Variants in BET1 observed in about 807,000 individuals in gnomAD.
The protein encoded by BET1 is BET1 homolog.
Under a neutral mutation model 13.9 loss-of-function variants are expected in BET1, and 9 were observed. That is an observed-to-expected ratio of 0.65 (90% CI 0.39 to 1.13). The LOEUF (loss-of-function observed/expected upper bound fraction) is 1.13, where lower values mean the gene tolerates loss of function less well. BET1 is among the 50% of genes most tolerant of loss of function. BET1 has a pLI of 0.01. For synonymous variants in BET1, 39 were observed against 47.3 expected (o/e 0.82, Z 0.72); for missense variants, 127 against 133.6 (o/e 0.95, Z 0.24).
chr7:94,000,906 G>T (rs1409949254), intron 1 of BET1, among the ~76,000 whole-genome samples: 7 of 152,248 alleles, frequency 4.6e-5, no homozygotes. Flanking sequence ...GGAAGCTGAG[G>T]GAGGCAGGAT....
chr7:93,972,341 T>C (rs1795270437), intron 6 of BET1: 1 of 151,928 alleles, frequency 6.6e-6, no homozygotes, highest in South Asian at 2.1e-4. Flanking sequence ...TATTTTCTTA[T>C]TCAATTAACA....
At position 93,993,719 on chromosome 7, in the gene BET1, G is replaced by T; in HGVS notation, c.*511C>A. 7.3e-7 allele frequency: 1 copy of T among 1,365,914 alleles called. No homozygotes were observed. Among genetic ancestry groups the T allele is most frequent in the South Asian group, 2.0e-5 (1 of 49,754 alleles). 84.6% of individuals were successfully genotyped at this position (1,365,914 alleles called of 1,614,324 possible). A position where few individuals can be genotyped will look rare whatever the true frequency, so the allele number is the denominator to read the frequency against. ...ATCAAAAATTATTAGGAAGATTGTA[G>T]GTAAAAAGAAATCAGCCTACAATTT... On this transcript the variant is annotated 3_prime_UTR_variant, in exon 4 of 4. Transcript: ENST00000222547.
intron 2 of BET1, 141 bp from the exon 3 acceptor site, chr7:93,996,462 T>C: frequency 1.8e-6 from 1 of 550,716 alleles, no homozygotes; most frequent in East Asian, 3.2e-5. Context: ...TTTCTGATAC[T>C]TTTTCTACCA....
intron 4 of BET1, among the ~76,000 whole-genome samples, chr7:93,981,010 C>T (rs990938175): frequency 1.3e-5 from 2 of 152,122 alleles, no homozygotes; most frequent in African/African-American, 4.8e-5. Flanking sequence ...TTTTTTGTCT[C>T]TGGGCTTTAT....
At chr7:94,001,746 T>G (rs1296399220) in intron 1 of BET1, among the ~76,000 whole-genome samples, 2 of 152,224 alleles carry the variant, frequency 1.3e-5, no homozygotes, top group Non-Finnish European at 1.5e-5. Flanking sequence ...AAGAATGTCT[T>G]CTTATTTTGT....
At chr7:93,992,223 A>C, downstream of BET1, 5 of 985,394 alleles carry the variant, frequency 5.1e-6, no homozygotes, top group Non-Finnish European at 4.8e-6. Context: ...ATGTTGAACC[A>C]TGCAGTGATG....
At position 93,993,968 on chromosome 7, in the gene BET1, C is replaced by T. The variant is rs147576087; in HGVS notation, c.*262G>A. On this transcript the variant is annotated 3_prime_UTR_variant, in exon 4 of 4. Transcript: ENST00000222547. ...GCTATTTAATCTGACAGTTGGCAAA[C>T]AATAGAAAAACAAACTGGAAATTAG... 1.8e-5 allele frequency: 28 copies of T among 1,531,940 alleles called. No individual in the cohort carries two copies. In the East Asian group the frequency reaches 6.1e-4, roughly 34 times the overall value. The allele number at this position is 1,531,940 out of a possible 1,614,324, so 94.9% of individuals were successfully genotyped here.
At position 93,999,251 on chromosome 7, in the gene BET1, A is replaced by C. The variant is rs372976829; in HGVS notation, c.63T>G (p.Ala21=). 2.4e-5 allele frequency: 39 copies of C among 1,613,112 alleles called. No individual in the cohort carries two copies. The highest frequency in any genetic ancestry group is 2.5e-6 in the Non-Finnish European group (3 of 1,179,478). The change falls in exon 2 of 4, where the codon GCT becomes GCG. Residue 21 remains alanine (A), a synonymous_variant. Coordinates refer to ENST00000222547, the MANE Select transcript of BET1 (RefSeq NM_005868.6). ...CTTCACAGGCACTATACCCACTATT[A>C]GCATAGCCATAGTTCCCATAGTTGC... is the stretch of plus-strand genomic sequence containing the variant. The part of the protein sequence containing the change: ...PPGNYGNYGY[A]NSGYSACEEE...
chr7:93,976,260 A>G (rs1479999090), intron 4 of BET1, among the ~76,000 whole-genome samples: 7 of 152,104 alleles, frequency 4.6e-5, no homozygotes, highest in African/African-American at 1.7e-4. Context: ...AAGCTTTCTA[A>G]GTCATTATTT....
At chr7:94,003,524 G>A (rs1233728545) in intron 1 of BET1, among the ~76,000 whole-genome samples, 6 of 151,916 alleles carry the variant, frequency 3.9e-5, no homozygotes, top group African/African-American at 1.5e-4. Context: ...GTAGCTGTGC[G>A]TTACTATAAG....
At position 93,994,040 on chromosome 7, in the gene BET1, G is replaced by C; in HGVS notation, c.*190C>G. On this transcript the variant is annotated 3_prime_UTR_variant, in exon 4 of 4. Transcript: ENST00000222547. ...CCCCTGAAAATAGGGGCTAAAATGA[G>C]TCATTAAGAAACAGTATTCAAAGAC... The C allele has an allele frequency of 2.0e-6, 3 of 1,471,520 alleles. No individual in the cohort carries two copies. The highest frequency in any genetic ancestry group is 2.7e-6 in the Non-Finnish European group (3 of 1,119,842). 91.2% of individuals were successfully genotyped at this position (1,471,520 alleles called of 1,614,324 possible).
chr7:94,002,472 AAAGAAAG>A (rs1795930379), intron 1 of BET1, among the ~76,000 whole-genome samples: 1 of 143,054 alleles, frequency 7.0e-6, no homozygotes, highest in African/African-American at 3.0e-5. Flanking sequence ...AAAAAAAAAA[AAAGAAAG>A]AAAAAAAAAG....
At chr7:93,968,136 T>A (rs193228243) in intron 6 of BET1, among the ~76,000 whole-genome samples, 35 of 151,954 alleles carry the variant, frequency 2.3e-4, no homozygotes, top group Admixed American at 2.0e-3. Context: ...ACTCTCTTGA[T>A]GATTTATGCA....
rs1325193435 is a variant in BET1, at chr7:93,994,400, G to C, written c.202-15C>G. 2 of 1,605,534 alleles carry C rather than the reference G, an allele frequency of 1.2e-6. No individual in the cohort carries two copies. The highest frequency in any genetic ancestry group is 1.7e-6 in the Non-Finnish European group (2 of 1,175,670). On this transcript the variant is annotated splice_polypyrimidine_tract_variant and intron_variant, in intron 3 of 3. Coordinates refer to ENST00000222547, the MANE Select transcript of BET1 (RefSeq NM_005868.6). ...AATTGTGAATCCTATCAGAGATAAA[G>C]GCAAATAAAATATCACAGTTAGATT...
chr7:93,974,504 G>A (rs747307757), intron 5 of BET1, among the ~76,000 whole-genome samples: 5 of 151,946 alleles, frequency 3.3e-5, no homozygotes, highest in African/African-American at 4.8e-5. Context: ...AAAGGGCACA[G>A]GAGCCAAATG....
chr7:93,999,372 A>G, intron 1 of BET1, 78 bp from the exon 2 acceptor site: 3 of 1,509,664 alleles, frequency 2.0e-6, no homozygotes, highest in South Asian at 1.3e-5. Flanking sequence ...GAACTGAAAA[A>G]GACCCCTGGA....
In BET1 at chr7:93,993,593, T is replaced by A; in HGVS notation, c.*637A>T. 8.6e-7 allele frequency: 1 copy of A among 1,162,358 alleles called. No homozygotes were observed. Among genetic ancestry groups the A allele is most frequent in the Non-Finnish European group, 1.1e-6 (1 of 941,786 alleles). 72.0% of individuals were successfully genotyped at this position (1,162,358 alleles called of 1,614,324 possible). On this transcript the variant is annotated 3_prime_UTR_variant, in exon 4 of 4. Transcript: ENST00000222547. ...AGTTAATATGAAATAATAACTATAC[T>A]GATACACATGTGCAATGGGCCCTAC...
intron 5 of BET1, chr7:93,975,783 G>T: frequency 2.6e-6 from 1 of 384,554 alleles, no homozygotes; most frequent in South Asian, 6.6e-5. Flanking sequence ...ACTTTCTCTT[G>T]AGTAATTGAA....
chr7:93,992,865 C>A (rs1340550474), downstream of BET1: 98 of 981,494 alleles, frequency 1.0e-4, no homozygotes, highest in Non-Finnish European at 1.1e-4. Flanking sequence ...GGTCATCTAA[C>A]TCAAACCAGT....
Sources: gnomAD v4.1 joint callset for allele counts (sites outside exome capture counted in the v4.1 genomes callset) on GRCh38, gnomAD v4.1.1 for gene constraint, MANE v1.5 for transcripts, NCBI Gene and HGNC (gene_info 2026-07-23, HGNC 2026-07-21) for gene names.